The following MTMR14 variants were observed in gnomAD, a reference collection of about 807,000 sequenced individuals.
The protein encoded by MTMR14 is myotubularin related protein 14.
MTMR14 carries 48 observed loss-of-function variants against 86.3 expected under a neutral mutation model. The ratio of observed to expected loss-of-function variants is 0.56; its 90% CI spans 0.44 to 0.71. MTMR14 has a LOEUF of 0.71. Among genes scored for constraint, MTMR14 ranks in the 30% least tolerant of loss-of-function variants. The pLI, the probability that MTMR14 is intolerant of heterozygous loss-of-function variation, is 0.00. For missense variants in MTMR14, 780 were observed against 834.6 expected (o/e 0.93, Z 0.81); for synonymous variants, 366 against 326.1 (o/e 1.12, Z -1.32).
intron 2 of MTMR14, among the ~76,000 whole-genome samples, chr3:9,654,490 C>T (rs997073156): frequency 6.6e-6 from 1 of 152,080 alleles, no homozygotes. Flanking sequence ...CAGGTTGTGG[C>T]CTGTAGGTAG....
At position 9,690,129 on chromosome 3, in the gene MTMR14, G is replaced by A. The variant is rs1394090126; in HGVS notation, c.1599G>A (p.Glu533=). 3 of 1,613,654 alleles carry A rather than the reference G, an allele frequency of 1.9e-6. No individual in the cohort carries two copies. The highest frequency in any genetic ancestry group is 2.5e-6 in the Non-Finnish European group (3 of 1,180,030). Residue 533 remains glutamate, a synonymous_variant, in exon 17 of 19, where the codon GAG becomes GAA. Transcript: ENST00000296003. The stretch of plus-strand genomic sequence containing the variant: ...TCAGGATGGGTAGCAGTCCCCTGGA[G>A]GTCCCCAAACCCAGGTGAGGAGCTC... ...NFFRMGSSPL[E]VPKPRSVDHP...
At chr3:9,699,601 C>T (rs146901727) in intron 18 of MTMR14, 187 of 152,360 alleles carry the variant, frequency 1.2e-3, no homozygotes, top group African/African-American at 3.7e-3. Context: ...TTTTCTGAGC[C>T]TGTTAGCTCA....
intron 1 of MTMR14, chr3:9,650,197 T>TCTCAC: frequency 2.6e-6 from 1 of 391,842 alleles, no homozygotes; most frequent in Non-Finnish European, 5.2e-6. Flanking sequence ...CCTTATAAGG[T>TCTCAC]CTCAGCATGA....
At position 9,671,088 on chromosome 3, in the gene MTMR14, G is replaced by A; in HGVS notation, c.595G>A (p.Asp199Asn). 1.9e-6 allele frequency: 3 copies of A among 1,614,202 alleles called. No homozygotes were observed. Among genetic ancestry groups the A allele is most frequent in the Non-Finnish European group, 2.5e-6 (3 of 1,180,022 alleles). Residue 199 changes from aspartate to asparagine, a missense_variant, in exon 6 of 19, where the codon GAC becomes AAC. Coordinates refer to ENST00000296003, the MANE Select transcript of MTMR14 (RefSeq NM_001077525.3). ...TCTTTTTGATAAGGTCAGAGGCTAT[G>A]ACATCAAGCTGCTTCGATACCTGTC... ...THLFDKVRGY[D>N]IKLLRYLSVK...
At position 9,701,509 on chromosome 3, in the gene MTMR14, G is replaced by A. The variant is rs181562402; in HGVS notation, c.1770-281G>A. 1.2e-3 allele frequency: 568 copies of A among 476,260 alleles called. 1 individual carries two copies. The highest frequency in any genetic ancestry group is 3.1e-3 in the Middle Eastern group (5 of 1,634). 29.5% of individuals were successfully genotyped at this position (476,260 alleles called of 1,614,324 possible). A position where few individuals can be genotyped will look rare whatever the true frequency, so the allele number is the denominator to read the frequency against. On this transcript the variant is annotated intron_variant, in intron 18 of 18. Transcript: ENST00000296003. This position sits in a 1 kb window ranked among gnomAD's most constrained non-coding sequence, Gnocchi z 4.2. ...TGCATTCCAGCCTGGGCAATAGAGT[G>A]AGACCTTGTCTCAAGAAAAAAAAAA... is the stretch of plus-strand genomic sequence containing the variant.
At chr3:9,668,062 A>G (rs969737421) in intron 3 of MTMR14, among the ~76,000 whole-genome samples, 4 of 152,208 alleles carry the variant, frequency 2.6e-5, no homozygotes, top group African/African-American at 9.7e-5. Context: ...ATTTATTTTA[A>G]ACAAGTAACC....
intron 3 of MTMR14, among the ~76,000 whole-genome samples, chr3:9,668,002 C>T (rs1015751388): frequency 6.6e-6 from 1 of 152,180 alleles, no homozygotes; most frequent in South Asian, 2.1e-4. Flanking sequence ...CTTCCCATCA[C>T]CAGGTATCTC....
chr3:9,661,937 A>G (rs533375638), intron 2 of MTMR14, among the ~76,000 whole-genome samples: 6 of 152,068 alleles, frequency 3.9e-5, no homozygotes, highest in African/African-American at 9.6e-5. Context: ...AAATAAAAAA[A>G]TTACCCAGGT....
intron 17 of MTMR14, among the ~76,000 whole-genome samples, chr3:9,695,746 G>A (rs1459252530): frequency 6.6e-6 from 1 of 152,172 alleles, no homozygotes; most frequent in Non-Finnish European, 1.5e-5. Context: ...CAACATTCTG[G>A]TTTTTAGCTG....
At chr3:9,671,837 A>G (rs1325933197) in intron 6 of MTMR14, among the ~76,000 whole-genome samples, 1 of 152,200 alleles carries the variant, frequency 6.6e-6, no homozygotes, top group Non-Finnish European at 1.5e-5. Context: ...TTTTTAAATG[A>G]TTTTTAAATG....
intron 2 of MTMR14, among the ~76,000 whole-genome samples, chr3:9,655,026 G>T (rs566445760): frequency 6.6e-6 from 1 of 152,130 alleles, no homozygotes; most frequent in Non-Finnish European, 1.5e-5. Context: ...GAACCTGTGG[G>T]TTGTGTGTGG....
intron 7 of MTMR14, 88 bp downstream of exon 7, chr3:9,672,846 G>A (rs1262255384): frequency 1.1e-5 from 14 of 1,233,864 alleles, no homozygotes; most frequent in Middle Eastern, 3.9e-4. Context: ...TTACACTGGC[G>A]CCCTGGGAGC....
In MTMR14 at chr3:9,649,524, G is replaced by T; in HGVS notation, c.-60G>T. ...TTCCGGAGGTTCTAGTGTCGGAGTTGGGTGCAGGCAGGTGCCATGGGCCCG... is the reference window on the plus strand; with the variant it reads ...TTCCGGAGGTTCTAGTGTCGGAGTTTGGTGCAGGCAGGTGCCATGGGCCCG... On this transcript the variant is annotated 5_prime_UTR_variant, in exon 1 of 19. Coordinates refer to ENST00000296003, the MANE Select transcript of MTMR14 (RefSeq NM_001077525.3). 6.7e-7 allele frequency: 1 copy of T among 1,494,032 alleles called. No individual in the cohort carries two copies. The allele number at this position is 1,494,032 out of a possible 1,614,324, so 92.5% of individuals were successfully genotyped here.
intron 1 of MTMR14, among the ~76,000 whole-genome samples, chr3:9,653,293 T>G (rs2047411596): frequency 6.6e-6 from 1 of 152,198 alleles, no homozygotes; most frequent in South Asian, 2.1e-4. Flanking sequence ...TAGTGGCAGT[T>G]TCAGTAACCT....
intron 17 of MTMR14, among the ~76,000 whole-genome samples, chr3:9,693,010 T>G (rs750097792): frequency 6.6e-6 from 1 of 152,246 alleles, no homozygotes. Context: ...CATTTTCTTA[T>G]CTGTGTAATC....
rs1426561911 is a variant in MTMR14 at position 9,684,565 on chromosome 3, C to T, written c.965-20C>T. On this transcript the variant is annotated intron_variant, in intron 10 of 18. Transcript: ENST00000296003. ...TGTCTGGTTCTCTCCTGGGCATCCTCTCCTGCGGTTCCTGAGTAGATGACA... is the reference window on the plus strand; with the variant it reads ...TGTCTGGTTCTCTCCTGGGCATCCTTTCCTGCGGTTCCTGAGTAGATGACA... 3 of 1,613,650 alleles carry T rather than the reference C, an allele frequency of 1.9e-6. No individual in the cohort carries two copies. Among genetic ancestry groups the T allele is most frequent in the Non-Finnish European group, 2.5e-6 (3 of 1,179,558 alleles).
Position 9,649,534 on chromosome 3 carries a change from AGGTGCCAT to A in MTMR14, c.-47_-40del. On this transcript the variant is annotated 5_prime_UTR_variant, in exon 1 of 19. An upstream start codon of the reference 5' UTR is lost. Coordinates refer to ENST00000296003, the MANE Select transcript of MTMR14 (RefSeq NM_001077525.3). Reference sequence around the variant, plus strand: ...TCTAGTGTCGGAGTTGGGTGCAGGCAGGTGCCATGGGCCCGCTTGAGGCACACTGAGGG... The same window carrying A: ...TCTAGTGTCGGAGTTGGGTGCAGGCAGGGCCCGCTTGAGGCACACTGAGGG... The A allele has an allele frequency of 6.6e-7, 1 of 1,510,920 alleles. No homozygotes were observed. Among genetic ancestry groups the A allele is most frequent in the Non-Finnish European group, 8.8e-7 (1 of 1,132,162 alleles). 93.6% of individuals were successfully genotyped at this position (1,510,920 alleles called of 1,614,324 possible).
At chr3:9,694,853 G>A (rs1258582178) in intron 17 of MTMR14, among the ~76,000 whole-genome samples, 2 of 152,244 alleles carry the variant, frequency 1.3e-5, no homozygotes, top group African/African-American at 4.8e-5. Flanking sequence ...GGTAGGAACT[G>A]CAGCTCTGGG....
chr3:9,657,001 C>T (rs1391430894), intron 2 of MTMR14, among the ~76,000 whole-genome samples: 35 of 152,010 alleles, frequency 2.3e-4, no homozygotes, highest in Admixed American at 2.3e-3. Flanking sequence ...CGGCCTTGAT[C>T]CCCTGGGCTC....
Sources: gnomAD v4.1 joint callset for allele counts (sites outside exome capture counted in the v4.1 genomes callset) on GRCh38, gnomAD v4.1.1 for gene constraint, Gnocchi (gnomAD v3.1) non-coding constraint, MANE v1.5 for transcripts, NCBI Gene and HGNC (gene_info 2026-07-23, HGNC 2026-07-21) for gene names.